LHX3: variants seen among roughly 807,000 people sequenced by gnomAD.
LHX3 encodes the protein LIM homeobox 3.
A neutral mutation model predicts 32.4 loss-of-function variants in LHX3; 21 were observed. The ratio of observed to expected loss-of-function variants is 0.65; its 90% confidence interval spans 0.46 to 0.93. LHX3 has a LOEUF of 0.93. LHX3 is among the 40% of genes least tolerant of loss of function. The probability of loss-of-function intolerance (pLI) is 0.00; values close to 1 mark genes in which losing one functional copy is unlikely to be tolerated. For synonymous variants in LHX3, 258 were observed against 246.8 expected, an observed-to-expected ratio of 1.05 and a Z score of -0.43; for missense variants, 626 against 560.0, an observed-to-expected ratio of 1.12 and a Z score of -1.19.
At position 136,196,331 on chromosome 9, in the gene LHX3, G is replaced by A. The variant is rs1000004516; in HGVS notation, c.*994C>T. 9 of 152,414 alleles carry A rather than the reference G, an allele frequency of 5.9e-5. No homozygotes were observed. Among genetic ancestry groups the A allele is most frequent in the African/African-American group, 2.2e-4 (9 of 41,476 alleles). 9.4% of individuals were successfully genotyped at this position (152,414 alleles called of 1,614,324 possible). A position where few individuals can be genotyped will look rare whatever the true frequency, so the allele number is the denominator to read the frequency against. On this transcript the variant is annotated 3_prime_UTR_variant, in exon 6 of 6. Coordinates refer to ENST00000371748, the MANE Select transcript of LHX3 (RefSeq NM_178138.6). ...AAATAAAAGACACAGAACATTCACA[G>A]AACCAATAGGTAGCTCGAGATTCAG...
Position 136,200,762 on chromosome 9 carries a change from A to T in LHX3, c.80-9T>A, listed in dbSNP as rs760817295. ...AGCGCACAGCGGGATCTCTGTGGGCACGAGGAAGTTCTGGGTCACCTCGTA... is the reference window on the plus strand; with the variant it reads ...AGCGCACAGCGGGATCTCTGTGGGCTCGAGGAAGTTCTGGGTCACCTCGTA... On this transcript the variant is annotated splice_polypyrimidine_tract_variant and intron_variant, in intron 1 of 5. Coordinates refer to ENST00000371748, the MANE Select transcript of LHX3 (RefSeq NM_178138.6). 3 of 1,613,148 alleles carry T rather than the reference A, an allele frequency of 1.9e-6. No individual in the cohort carries two copies. The South Asian group carries it at 3.3e-5, about 18-fold the overall frequency.
chr9:136,201,041 C>T (rs1477224221), intron 1 of LHX3: 3 of 1,069,140 alleles, frequency 2.8e-6, no homozygotes, highest in Non-Finnish European at 3.9e-6. Context: ...GCTGAATACT[C>T]AATTACAAAA....
At chr9:136,202,877 C>CG (rs1831678465) in intron 1 of LHX3, 1 of 1,493,550 alleles carries the variant, frequency 6.7e-7, no homozygotes, top group African/African-American at 1.4e-5. Context: ...CCAGCCTCCG[C>CG]GGCCAGGCCC....
chr9:136,199,541 G>T, intron 3 of LHX3, 137 bp downstream of exon 3: 1 of 936,068 alleles, frequency 1.1e-6, no homozygotes, highest in Non-Finnish European at 1.7e-6. Context: ...TCGGCTTCCT[G>T]CTGCCTACAC....
At chr9:136,201,311 G>A (rs1043387009) in intron 1 of LHX3, 2 of 1,256,362 alleles carry the variant, frequency 1.6e-6, no homozygotes, top group Non-Finnish European at 2.0e-6. Flanking sequence ...CCATCATTGG[G>A]CAGCCGCAAA....
Position 136,200,496 on chromosome 9 carries a change from G to A in LHX3, c.251+86C>T, listed in dbSNP as rs77390691. On this transcript the variant is annotated intron_variant, in intron 2 of 5. Coordinates refer to ENST00000371748, the MANE Select transcript of LHX3 (RefSeq NM_178138.6). ...ATTGCGAGAGACGCAGGCTTCGAGG[G>A]CCTGGCCTTGGTGATTGTGAGGGGA... 709 of 1,423,022 alleles carry A rather than the reference G, an allele frequency of 5.0e-4. 2 individuals are homozygous for A. The African/African-American group carries it at 9.3e-3, about 19-fold the overall frequency. 88.1% of individuals were successfully genotyped at this position (1,423,022 alleles called of 1,614,324 possible).
rs1831511823 is a variant in LHX3 at position 136,197,266 on chromosome 9, G to A, written c.*59C>T. On this transcript the variant is annotated 3_prime_UTR_variant, in exon 6 of 6. Coordinates refer to ENST00000371748, the MANE Select transcript of LHX3 (RefSeq NM_178138.6). ...CTTCCTCGGAAACCCCAGCAGCCCCGAGCCGCCCACCCAGGGGCAGCTCCC... is the reference window on the plus strand; with the variant it reads ...CTTCCTCGGAAACCCCAGCAGCCCCAAGCCGCCCACCCAGGGGCAGCTCCC... 6.3e-6 allele frequency: 10 copies of A among 1,584,272 alleles called. No homozygotes were observed. Among genetic ancestry groups the A allele is most frequent in the South Asian group, 2.2e-5 (2 of 89,486 alleles).
Position 136,197,648 on chromosome 9 carries a change from C to G in LHX3, c.871G>C (p.Gly291Arg). The G allele has an allele frequency of 6.3e-7, 1 of 1,594,942 alleles. No individual in the cohort carries two copies. The highest frequency in any genetic ancestry group is 8.5e-7 in the Non-Finnish European group (1 of 1,172,780). The change falls in exon 6 of 6, where the codon GGC becomes CGC. Residue 291 changes from glycine to arginine, a missense_variant. Transcript: ENST00000371748. ...CCTCCATGCTCCAGGGAGAAGTTGCCCAGGGCTCCCGAGGGCCGGCCCAAG... is the reference window on the plus strand; with the variant it reads ...CCTCCATGCTCCAGGGAGAAGTTGCGCAGGGCTCCCGAGGGCCGGCCCAAG... ...QALGRPSGALGNFSLEHGGLA... is the reference protein window; with the variant it reads ...QALGRPSGALRNFSLEHGGLA...
In LHX3 at chr9:136,199,534, GC is replaced by G; in HGVS notation, c.454+143del. The stretch of plus-strand genomic sequence containing the variant: ...CGTGACTCCGCCGTTCCCGGCCTCG[GC>G]TTCCTGCTGCCTACACCGCCCTAGC... On this transcript the variant is annotated intron_variant, in intron 3 of 5. Coordinates refer to ENST00000371748, the MANE Select transcript of LHX3 (RefSeq NM_178138.6). The G allele has an allele frequency of 3.4e-6, 3 of 884,696 alleles. No individual in the cohort carries two copies. In the Admixed American group the frequency reaches 6.0e-5, roughly 18 times the overall value. The allele number at this position is 884,696 out of a possible 1,614,324, so 54.8% of individuals were successfully genotyped here. A position where few individuals can be genotyped will look rare whatever the true frequency, so the allele number is the denominator to read the frequency against.
intron 1 of LHX3, chr9:136,203,228 C>G (rs1367233763): frequency 1.5e-6 from 1 of 668,568 alleles, no homozygotes; most frequent in African/African-American, 2.0e-5. Context: ...GGCGGGGCCG[C>G]GGGGCGGGGC....
intron 2 of LHX3, 32 bp from the exon 3 acceptor site, chr9:136,199,912 G>C: frequency 6.4e-7 from 1 of 1,551,408 alleles, no homozygotes; most frequent in Non-Finnish European, 8.7e-7. Flanking sequence ...GCTCAGCGCG[G>C]AAGCGCGAGG....
chr9:136,201,078 G>A (rs927791764), intron 1 of LHX3: 16 of 1,327,704 alleles, frequency 1.2e-5, no homozygotes, highest in Non-Finnish European at 1.6e-5. Flanking sequence ...AAGGGTGCAT[G>A]TGGAGCTCAA....
At chr9:136,199,130 C>T in intron 3 of LHX3, 71 bp from the exon 4 acceptor site, 1 of 922,086 alleles carries the variant, frequency 1.1e-6, no homozygotes, top group Non-Finnish European at 1.4e-6. Context: ...CCTCCCACCC[C>T]GGCCGGCGCG....
At position 136,200,464 on chromosome 9, in the gene LHX3, G is replaced by A. The variant is rs1297198978; in HGVS notation, c.251+118C>T. Reference sequence around the variant, plus strand: ...GTGCCCTGCCTGGGTGACAGGAGTGGGCTGGGATTGCGAGAGACGCAGGCT... The same window carrying A: ...GTGCCCTGCCTGGGTGACAGGAGTGAGCTGGGATTGCGAGAGACGCAGGCT... On this transcript the variant is annotated intron_variant, in intron 2 of 5. Coordinates refer to ENST00000371748, the MANE Select transcript of LHX3 (RefSeq NM_178138.6). The A allele has an allele frequency of 3.4e-6, 4 of 1,178,014 alleles. No homozygotes were observed. In the Admixed American group the frequency reaches 7.9e-5, roughly 23 times the overall value. The allele number at this position is 1,178,014 out of a possible 1,614,324, so 73.0% of individuals were successfully genotyped here. A position where few individuals can be genotyped will look rare whatever the true frequency, so the allele number is the denominator to read the frequency against.
chr9:136,197,653 G>C lies in LHX3; in HGVS notation c.866C>G (p.Ala289Gly), dbSNP rs1831528824. ...ATGCTCCAGGGAGAAGTTGCCCAGG[G>C]CTCCCGAGGGCCGGCCCAAGGCCTG... is the stretch of plus-strand genomic sequence containing the variant. ...PTQALGRPSG[A>G]LGNFSLEHGG... The change falls in exon 6 of 6, where the codon GCC becomes GGC. Residue 289 changes from alanine to glycine, a missense_variant. Ala to Gly is a moderately conservative substitution (Grantham distance 60). Coordinates refer to ENST00000371748, the MANE Select transcript of LHX3 (RefSeq NM_178138.6). 6.3e-7 allele frequency: 1 copy of C among 1,596,932 alleles called. No individual in the cohort carries two copies. The highest frequency in any genetic ancestry group is 8.5e-7 in the Non-Finnish European group (1 of 1,174,064).
At chr9:136,201,952 C>T (rs905382549) in intron 1 of LHX3, among the ~76,000 whole-genome samples, 1 of 151,912 alleles carries the variant, frequency 6.6e-6, no homozygotes, top group African/African-American at 2.4e-5. Flanking sequence ...CGCAGCTCGC[C>T]GCCGGCGCCC....
chr9:136,198,620 C>CA, intron 5 of LHX3, 32 bp downstream of exon 5: 2 of 1,434,630 alleles, frequency 1.4e-6, no homozygotes, highest in South Asian at 1.2e-5. Context: ...GCGCGCTCGT[C>CA]CCCCCCCGAG....
At chr9:136,201,432 C>A in intron 1 of LHX3, 1 of 1,227,918 alleles carries the variant, frequency 8.1e-7, no homozygotes. Context: ...GCTTCTGCCC[C>A]CCACACCCCA....
Position 136,197,381 on chromosome 9 carries a change from C to T in LHX3, c.1138G>A (p.Asp380Asn), listed in dbSNP as rs763085617. The part of the protein sequence containing the change: ...LSTGSSGGYP[D>N]FPASPASWLD... ...CAGGAGGCGGGGCTGGCAGGGAAGT[C>T]GGGGTAACCCCCGCTGCTCCCCGTG... Residue 380 changes from aspartate to asparagine, a missense_variant, in exon 6 of 6, where the codon GAC becomes AAC. Coordinates refer to ENST00000371748, the MANE Select transcript of LHX3 (RefSeq NM_178138.6). 3.7e-6 allele frequency: 6 copies of T among 1,611,744 alleles called. No individual in the cohort carries two copies. Among genetic ancestry groups the T allele is most frequent in the Admixed American group, 1.7e-5 (1 of 59,982 alleles).
Sources: gnomAD v4.1 joint callset for allele counts (sites outside exome capture counted in the v4.1 genomes callset) on GRCh38, gnomAD v4.1.1 for gene constraint, MANE v1.5 for transcripts, NCBI Gene and HGNC (gene_info 2026-07-23, HGNC 2026-07-21) for gene names.